NTNG1: variants seen among roughly 807,000 people sequenced by gnomAD.
NTNG1 encodes netrin G1.
In NTNG1, 16 loss-of-function variants were observed where a neutral mutation model predicts 54.0. The ratio of observed to expected loss-of-function variants is 0.30; its 90% CI spans 0.20 to 0.45. The LOEUF is 0.45. Among genes scored for constraint, NTNG1 ranks in the 20% least tolerant of loss-of-function variants. The probability of loss-of-function intolerance (pLI) is 1.00; values close to 1 mark genes in which losing one functional copy is unlikely to be tolerated. For missense variants in NTNG1, 530 were observed against 678.7 expected (o/e 0.78, Z 2.43); for synonymous variants, 255 against 263.1 (o/e 0.97, Z 0.30).
intron 2 of NTNG1, among the ~76,000 whole-genome samples, chr1:107,173,018 A>G (rs571940479): frequency 5.3e-4 from 80 of 152,150 alleles, no homozygotes; most frequent in Non-Finnish European, 1.0e-3. Flanking sequence ...CCAGATTAGT[A>G]TGAGATTGGT....
chr1:107,300,761 T>C (rs1227565380), intron 2 of NTNG1, among the ~76,000 whole-genome samples: 2 of 152,218 alleles, frequency 1.3e-5, no homozygotes, highest in African/African-American at 4.8e-5. Flanking sequence ...TACATTTTAC[T>C]TTCACATTTT....
At chr1:107,256,868 G>T (rs1424437638) in intron 2 of NTNG1, among the ~76,000 whole-genome samples, 1 of 152,200 alleles carries the variant, frequency 6.6e-6, no homozygotes, top group African/African-American at 2.4e-5. Flanking sequence ...GAATTAATCA[G>T]CCATACTTTA....
intron 2 of NTNG1, among the ~76,000 whole-genome samples, chr1:107,238,582 G>C (rs371530081): frequency 6.2e-4 from 95 of 152,232 alleles, no homozygotes; most frequent in African/African-American, 2.2e-3. Context: ...CACAGTGGGA[G>C]GTAAATGAAT....
At chr1:107,385,207 G>T (rs1418300852) in intron 3 of NTNG1, among the ~76,000 whole-genome samples, 2 of 152,176 alleles carry the variant, frequency 1.3e-5, no homozygotes, top group Non-Finnish European at 2.9e-5. Flanking sequence ...CCCTAGGACT[G>T]GGATCGTGGC....
chr1:107,292,343 T>C (rs1412259489), intron 2 of NTNG1, among the ~76,000 whole-genome samples: 2 of 152,028 alleles, frequency 1.3e-5, no homozygotes, highest in African/African-American at 4.8e-5. Flanking sequence ...GGAGTGAACA[T>C]TTATTAAAAA....
intron 2 of NTNG1, among the ~76,000 whole-genome samples, chr1:107,259,301 C>T (rs898279701): frequency 7.2e-5 from 11 of 152,018 alleles, no homozygotes; most frequent in Middle Eastern, 3.4e-3. Context: ...ACTAAAGTGC[C>T]CACTAGATCA....
chr1:107,147,291 C>T (rs937628624), intron 1 of NTNG1, among the ~76,000 whole-genome samples: 36 of 152,038 alleles, frequency 2.4e-4, no homozygotes, highest in African/African-American at 7.5e-4. Context: ...TTAAATTGTG[C>T]GTTTTACTAC....
At chr1:107,150,998 G>T (rs950449193) in intron 2 of NTNG1, among the ~76,000 whole-genome samples, 7 of 152,150 alleles carry the variant, frequency 4.6e-5, no homozygotes, top group African/African-American at 1.4e-4. Flanking sequence ...TCTTTAAAAG[G>T]CTGCATCTTA....
intron 2 of NTNG1, among the ~76,000 whole-genome samples, chr1:107,250,951 T>C (rs1364364648): frequency 6.6e-6 from 1 of 152,258 alleles, no homozygotes; most frequent in Non-Finnish European, 1.5e-5. Context: ...TATATTTTAT[T>C]AATAAAATTT....
intron 3 of NTNG1, among the ~76,000 whole-genome samples, chr1:107,335,972 T>C (rs956989932): frequency 1.3e-5 from 2 of 151,902 alleles, no homozygotes; most frequent in African/African-American, 2.4e-5. Context: ...TGTTCATGGA[T>C]TGGAAGTCAA....
intron 2 of NTNG1, among the ~76,000 whole-genome samples, chr1:107,152,214 G>T (rs1654630908): frequency 6.6e-6 from 1 of 152,112 alleles, no homozygotes; most frequent in Admixed American, 6.6e-5. Context: ...AGAATCTGAA[G>T]GGAAGGTGGG....
At chr1:107,158,967 G>A (rs970709269) in intron 2 of NTNG1, among the ~76,000 whole-genome samples, 5 of 152,104 alleles carry the variant, frequency 3.3e-5, no homozygotes, top group African/African-American at 1.2e-4. Context: ...GTCATATGAA[G>A]GTTATACTAA....
At chr1:107,475,041 T>G (rs975155711) in intron 7 of NTNG1, among the ~76,000 whole-genome samples, 9 of 152,248 alleles carry the variant, frequency 5.9e-5, no homozygotes, top group Non-Finnish European at 1.0e-4. Context: ...TGATTTGTAC[T>G]TGGAGCTCTA....
chr1:107,385,310 T>C (rs17463719), intron 3 of NTNG1, among the ~76,000 whole-genome samples: 21,074 of 151,876 alleles, frequency 0.14, 1,527 homozygotes, highest in Non-Finnish European at 0.16. Context: ...GCCACGCCAC[T>C]ACTCTCTGGT....
intron 2 of NTNG1, among the ~76,000 whole-genome samples, chr1:107,279,045 T>A (rs982361213): frequency 6.6e-6 from 1 of 152,176 alleles, no homozygotes; most frequent in South Asian, 2.1e-4. Flanking sequence ...CTGGGGTTAC[T>A]ATGACTACAT....
chr1:107,247,219 A>T (rs1464984859), intron 2 of NTNG1, among the ~76,000 whole-genome samples: 1 of 152,216 alleles, frequency 6.6e-6, no homozygotes, highest in Non-Finnish European at 1.5e-5. Context: ...ATCATGCCAC[A>T]ACAGCACCCT....
intron 4 of NTNG1, among the ~76,000 whole-genome samples, chr1:107,399,938 C>T (rs33955687): frequency 1.3e-5 from 2 of 152,004 alleles, no homozygotes; most frequent in African/African-American, 4.8e-5. Context: ...AAAGATTCCC[C>T]TTCTATTAGT....
At chr1:107,230,250 A>T (rs1660983474) in intron 2 of NTNG1, among the ~76,000 whole-genome samples, 1 of 152,154 alleles carries the variant, frequency 6.6e-6, no homozygotes, top group African/African-American at 2.4e-5. Flanking sequence ...TTACTTCTGG[A>T]CATCCCTCGG....
At position 107,423,106 on chromosome 1, in the gene NTNG1, C is replaced by T. The variant is rs552125234; in HGVS notation, c.1088-7644C>T. On this transcript the variant is annotated intron_variant, in intron 5 of 7. Transcript: ENST00000370068. ...CCTTATCTAGAAAGTCAACTTTGAA[C>T]CCTTCCCCTTGTAAAACACCTCTAG... is the stretch of plus-strand genomic sequence containing the variant. Among the ~76,000 whole-genome samples the T allele has an allele frequency of 1.4e-4, 21 of 152,160 alleles. No homozygotes were observed. In the East Asian group the frequency reaches 3.9e-3, roughly 28 times the overall value.
Sources: gnomAD v4.1 joint callset for allele counts (sites outside exome capture counted in the v4.1 genomes callset) on GRCh38, gnomAD v4.1.1 for gene constraint, MANE v1.5 for transcripts, NCBI Gene and HGNC (gene_info 2026-07-23, HGNC 2026-07-21) for gene names.